Variants in LRRC4C observed in about 807,000 individuals in gnomAD.
The protein encoded by LRRC4C is leucine-rich repeat-containing protein 4C.
LRRC4C carries 5 observed loss-of-function variants against 33.6 expected under a neutral mutation model. The ratio of observed to expected loss-of-function variants is 0.15; its 90% CI spans 0.08 to 0.31. The LOEUF is 0.31. Among genes scored for constraint, LRRC4C ranks in the 10% least tolerant of loss-of-function variants. The pLI, the probability that LRRC4C is intolerant of heterozygous loss-of-function variation, is 1.00. For synonymous variants in LRRC4C, 329 were observed against 302.0 expected, an observed-to-expected ratio of 1.09 and a Z score of -0.93; for missense variants, 560 against 796.7, an observed-to-expected ratio of 0.70 and a Z score of 3.58.
chr11:40,536,204 C>A (rs1441770170), intron 3 of LRRC4C, among the ~76,000 whole-genome samples: 1 of 149,544 alleles, frequency 6.7e-6, no homozygotes, highest in East Asian at 2.0e-4. Flanking sequence ...TTTTTCTTTT[C>A]TTTTCCTTGA....
At chr11:40,924,150 T>C (rs1203900674) in intron 2 of LRRC4C, among the ~76,000 whole-genome samples, 2 of 150,962 alleles carry the variant, frequency 1.3e-5, no homozygotes, top group Admixed American at 1.3e-4. Flanking sequence ...ATATATATGA[T>C]ATTAGGTTCA....
intron 1 of LRRC4C, among the ~76,000 whole-genome samples, chr11:41,372,732 T>C (rs1011843041): frequency 3.7e-5 from 5 of 133,706 alleles, no homozygotes; most frequent in African/African-American, 1.4e-4. Flanking sequence ...CTAGGAGAGG[T>C]AATAAAAAAG....
intron 3 of LRRC4C, among the ~76,000 whole-genome samples, chr11:40,328,143 T>C (rs1565277418): frequency 6.6e-6 from 1 of 152,182 alleles, no homozygotes; most frequent in Non-Finnish European, 1.5e-5. Context: ...ATACCCAAAC[T>C]TGATATTCTA....
intron 3 of LRRC4C, among the ~76,000 whole-genome samples, chr11:40,622,285 G>A (rs906141995): frequency 1.3e-5 from 2 of 151,842 alleles, no homozygotes; most frequent in African/African-American, 4.8e-5. Flanking sequence ...ATGGCTATAT[G>A]TAAGCAAATA....
intron 3 of LRRC4C, among the ~76,000 whole-genome samples, chr11:40,619,339 A>G (rs749390239): frequency 6.6e-6 from 1 of 151,760 alleles, no homozygotes; most frequent in South Asian, 2.1e-4. Context: ...CCCATTCTTC[A>G]TGGTGTTATT....
intron 1 of LRRC4C, among the ~76,000 whole-genome samples, chr11:41,359,777 T>A (rs980097634): frequency 6.6e-6 from 1 of 152,194 alleles, no homozygotes; most frequent in African/African-American, 2.4e-5. Context: ...CTGGCTTAGA[T>A]GAAATTCAAA....
chr11:40,236,180 T>G (rs2136052043), intron 5 of LRRC4C, among the ~76,000 whole-genome samples: 1 of 151,766 alleles, frequency 6.6e-6, no homozygotes, highest in East Asian at 1.9e-4. Flanking sequence ...TATTTTGACC[T>G]CTAATATTTA....
intron 1 of LRRC4C, among the ~76,000 whole-genome samples, chr11:40,948,420 G>C (rs1172302778): frequency 6.6e-6 from 1 of 151,178 alleles, no homozygotes; most frequent in South Asian, 2.1e-4. Context: ...ACAATGTGCA[G>C]GTTAGTTACA....
chr11:41,442,477 T>C (rs1955660679), intron 1 of LRRC4C, among the ~76,000 whole-genome samples: 2 of 135,136 alleles, frequency 1.5e-5, no homozygotes, highest in Non-Finnish European at 3.2e-5. Flanking sequence ...TTTTTTTTTT[T>C]TTTTTTTTTT....
chr11:40,674,463 G>T (rs916163643), intron 2 of LRRC4C, among the ~76,000 whole-genome samples: 1 of 152,126 alleles, frequency 6.6e-6, no homozygotes, highest in African/African-American at 2.4e-5. Context: ...ATATGGCAAG[G>T]ATATTGTCCA....
intron 3 of LRRC4C, among the ~76,000 whole-genome samples, chr11:40,448,401 G>T (rs1951734634): frequency 6.6e-6 from 1 of 151,430 alleles, no homozygotes; most frequent in South Asian, 2.1e-4. Flanking sequence ...CCCTCCCCTA[G>T]CTCCCCACCC....
intron 3 of LRRC4C, among the ~76,000 whole-genome samples, chr11:40,620,687 C>T: frequency 6.6e-6 from 1 of 151,796 alleles, no homozygotes; most frequent in East Asian, 1.9e-4. Flanking sequence ...CAAGCTGCTA[C>T]TTATTGTGTG....
At chr11:40,937,197 A>C (rs1390042287) in intron 1 of LRRC4C, among the ~76,000 whole-genome samples, 1 of 152,140 alleles carries the variant, frequency 6.6e-6, no homozygotes, top group Non-Finnish European at 1.5e-5. Context: ...CATAATCCTA[A>C]GTGAATTAAC....
At chr11:40,577,058 T>C (rs1216139516) in intron 3 of LRRC4C, among the ~76,000 whole-genome samples, 2 of 152,222 alleles carry the variant, frequency 1.3e-5, no homozygotes, top group Non-Finnish European at 2.9e-5. Context: ...TGTAGTCTTC[T>C]GTCCTTAAAA....
At chr11:40,415,838 A>G (rs1950305760) in intron 3 of LRRC4C, among the ~76,000 whole-genome samples, 1 of 152,144 alleles carries the variant, frequency 6.6e-6, no homozygotes, top group Admixed American at 6.5e-5. Flanking sequence ...GCCTATCAAG[A>G]AAGGAAATAA....
chr11:40,302,302 G>A (rs533402353), intron 4 of LRRC4C, among the ~76,000 whole-genome samples: 1 of 152,224 alleles, frequency 6.6e-6, no homozygotes, highest in African/African-American at 2.4e-5. Flanking sequence ...TTTTCACTAG[G>A]ATAACAATTA....
At chr11:41,144,431 T>G (rs928568823) in intron 1 of LRRC4C, among the ~76,000 whole-genome samples, 4 of 152,206 alleles carry the variant, frequency 2.6e-5, no homozygotes, top group Admixed American at 2.6e-4. Flanking sequence ...GAAAAAATAT[T>G]CCAGTTTGTT....
intron 1 of LRRC4C, among the ~76,000 whole-genome samples, chr11:41,345,487 C>G (rs12291607): frequency 0.18 from 27,167 of 152,182 alleles, 2,830 homozygotes; most frequent in East Asian, 0.45. Flanking sequence ...AGGATCCAGT[C>G]TAAACTGCCA....
At chr11:40,778,230 AT>A (rs1451360477) in intron 2 of LRRC4C, among the ~76,000 whole-genome samples, 21 of 152,256 alleles carry the variant, frequency 1.4e-4, no homozygotes, top group African/African-American at 4.8e-4. Flanking sequence ...CCTTGAGGAT[AT>A]TTTGTGAGGC....
Sources: allele counts gnomAD v4.1 joint callset (sites outside exome capture counted in the v4.1 genomes callset), GRCh38; gene constraint gnomAD v4.1.1; transcripts MANE v1.5; gene names NCBI Gene and HGNC (gene_info 2026-07-23, HGNC 2026-07-21).